The following PCDHA10 variants were observed in gnomAD, a reference collection of about 807,000 sequenced individuals.
The protein encoded by PCDHA10 is protocadherin alpha 10.
A neutral mutation model predicts 61.2 loss-of-function variants in PCDHA10; 45 were observed. The ratio of observed to expected loss-of-function variants is 0.74; its 90% confidence interval spans 0.58 to 0.94. The LOEUF (loss-of-function observed/expected upper bound fraction) is 0.94. Among genes scored for constraint, PCDHA10 ranks in the 40% least tolerant of loss-of-function variants. PCDHA10 has a pLI of 0.00. For missense variants in PCDHA10, 1,278 were observed against 1,236.2 expected (o/e 1.03, Z -0.51); for synonymous variants, 602 against 548.8 (o/e 1.10, Z -1.35).
At position 140,871,188 on chromosome 5, in the gene PCDHA10, C is replaced by G. The variant is rs782347896; in HGVS notation, c.2388+12752C>G. Reference sequence around the variant, plus strand: ...GCCCAGAGGCTGCGCTGGTGGATGTCAACGTGTACCTGATCATCGCCATCT... The same window carrying G: ...GCCCAGAGGCTGCGCTGGTGGATGTGAACGTGTACCTGATCATCGCCATCT... On this transcript the variant is annotated intron_variant, in intron 1 of 3. Transcript: ENST00000307360. 9.9e-6 allele frequency: 16 copies of G among 1,613,638 alleles called. 1 individual carries two copies. In the South Asian group the frequency reaches 1.8e-4, roughly 18 times the overall value.
intron 1 of PCDHA10, chr5:140,877,121 C>T (rs782727100): frequency 6.2e-7 from 1 of 1,613,694 alleles, no homozygotes; most frequent in Non-Finnish European, 8.5e-7. Context: ...AGCAACGTGA[C>T]GCTGCAGGTG....
Position 140,857,539 on chromosome 5 carries a change from G to T in PCDHA10, c.1491G>T (p.Arg497=), listed in dbSNP as rs782469087. Residue 497 remains arginine (R), a synonymous_variant, in exon 1 of 4, where the codon CGG becomes CGT. Transcript: ENST00000307360. ...TGTCCTACTCTCTGGTGGAGCGGCG[G>T]TTGGGCGAGCGCTCGCTGTCGAGCT... ...ALVSYSLVER[R]LGERSLSSYV... is the part of the protein sequence containing the mutation. 1 of 1,597,270 alleles carries T rather than the reference G, an allele frequency of 6.3e-7. No homozygotes were observed. The highest frequency in any genetic ancestry group is 1.3e-5 in the African/African-American group (1 of 74,412).
At chr5:140,941,570 C>T (rs892912533) in intron 1 of PCDHA10, among the ~76,000 whole-genome samples, 17 of 152,046 alleles carry the variant, frequency 1.1e-4, no homozygotes, top group African/African-American at 4.1e-4. Context: ...TCGCCTCAGC[C>T]TCCCAAAGTG....
intron 1 of PCDHA10, chr5:140,929,360 C>G (rs781864515): frequency 5.3e-6 from 8 of 1,519,748 alleles, no homozygotes; most frequent in Non-Finnish European, 6.2e-6. Flanking sequence ...TTCCTTTGGC[C>G]CGGAGATGGC....
intron 3 of PCDHA10, among the ~76,000 whole-genome samples, chr5:140,992,594 G>A (rs782416770): frequency 2.6e-5 from 4 of 152,148 alleles, no homozygotes; most frequent in Non-Finnish European, 2.9e-5. Flanking sequence ...TGCATCTAGC[G>A]TCTGTGTCTA....
chr5:140,976,933 A>G (rs1554238099), intron 1 of PCDHA10, among the ~76,000 whole-genome samples: 1 of 152,198 alleles, frequency 6.6e-6, no homozygotes, highest in African/African-American at 2.4e-5. Context: ...CTGTGTAGCT[A>G]CTTAAAACAT....
chr5:140,882,153 A>G (rs1197738298), intron 1 of PCDHA10: 9 of 1,505,320 alleles, frequency 6.0e-6, no homozygotes, highest in Admixed American at 2.3e-5. Flanking sequence ...CAGAAAGCGG[A>G]ATACCTCTTG....
At position 140,856,397 on chromosome 5, in the gene PCDHA10, C is replaced by T. The variant is rs782776522; in HGVS notation, c.349C>T (p.His117Tyr). The change falls in exon 1 of 4, where the codon CAT becomes TAT. Residue 117 changes from histidine to tyrosine, a missense_variant. Coordinates refer to ENST00000307360, the MANE Select transcript of PCDHA10 (RefSeq NM_018901.4). ...VIVDRPLQVFHVDVEVKDIND... is the reference protein window; with the variant it reads ...VIVDRPLQVFYVDVEVKDIND... ...CGTGGACAGGCCGCTGCAGGTTTTC[C>T]ATGTGGACGTGGAAGTGAAGGACAT... 3.6e-5 allele frequency: 58 copies of T among 1,598,382 alleles called. 7 individuals carry two copies. In the Admixed American group the frequency reaches 4.9e-4, roughly 13 times the overall value.
intron 1 of PCDHA10, among the ~76,000 whole-genome samples, chr5:140,873,809 C>T (rs1554166897): frequency 6.6e-6 from 1 of 152,138 alleles, no homozygotes; most frequent in Non-Finnish European, 1.5e-5. Context: ...TACAGGCATG[C>T]ACCACCACTC....
chr5:140,893,205 T>A (rs192969362), intron 1 of PCDHA10, among the ~76,000 whole-genome samples: 1 of 152,338 alleles, frequency 6.6e-6, no homozygotes, highest in East Asian at 1.9e-4. Context: ...CTGCAGTAAG[T>A]ATGGGAGGTG....
intron 2 of PCDHA10, 155 bp downstream of exon 2, chr5:140,979,162 T>C: frequency 2.1e-6 from 2 of 975,444 alleles, no homozygotes; most frequent in Non-Finnish European, 2.4e-6. Context: ...TGTTTATTCC[T>C]TGAAAGATCG....
intron 1 of PCDHA10, chr5:140,968,416 G>A: frequency 1.2e-6 from 2 of 1,613,992 alleles, no homozygotes; most frequent in Non-Finnish European, 1.7e-6. Context: ...TGACTGTGGA[G>A]GCTCAGGACA....
In PCDHA10 at chr5:140,869,463, C is replaced by A. The variant is rs1554163094; in HGVS notation, c.2388+11027C>A. On this transcript the variant is annotated intron_variant, in intron 1 of 3. Transcript: ENST00000307360. ...GGCCGCTGCAGGTTTTCCATGTGAACGTGGAGGTGAAGGACATTAACGACA... is the reference window on the plus strand; with the variant it reads ...GGCCGCTGCAGGTTTTCCATGTGAAAGTGGAGGTGAAGGACATTAACGACA... 2 of 1,614,148 alleles carry A rather than the reference C, an allele frequency of 1.2e-6. No homozygotes were observed. Among genetic ancestry groups the A allele is most frequent in the Admixed American group, 1.7e-5 (1 of 60,024 alleles).
intron 1 of PCDHA10, chr5:140,927,831 G>T: frequency 6.2e-7 from 1 of 1,614,186 alleles, no homozygotes; most frequent in Non-Finnish European, 8.5e-7. Flanking sequence ...TTGAGGCGAG[G>T]GACGAAGGTG....
chr5:140,937,911 C>CAA lies in PCDHA10; in HGVS notation c.2389-41023_2389-41022dup, dbSNP rs200797202. On this transcript the variant is annotated intron_variant, in intron 1 of 3. Transcript: ENST00000307360. Reference sequence around the variant, plus strand: ...TGGGCGACAGAGTGAGACTCCGTCTCAAAAAAAAAAAAAAAAGTTTAATTT... The same window carrying CAA: ...TGGGCGACAGAGTGAGACTCCGTCTCAAAAAAAAAAAAAAAAAAGTTTAATTT... Among the ~76,000 whole-genome samples, 8 of 117,946 alleles carry CAA rather than the reference C, an allele frequency of 6.8e-5. No individual in the cohort carries two copies. In the East Asian group the frequency reaches 1.1e-3, roughly 17 times the overall value. The allele number at this position is 117,946 out of a possible 152,430, so 77.4% of individuals were successfully genotyped here.
In PCDHA10 at chr5:141,010,181, C is replaced by G; in HGVS notation, c.*244C>G. The G allele has an allele frequency of 2.6e-6, 4 of 1,554,386 alleles. No individual in the cohort carries two copies. Among genetic ancestry groups the G allele is most frequent in the Non-Finnish European group, 3.5e-6 (4 of 1,148,120 alleles). On this transcript the variant is annotated 3_prime_UTR_variant, in exon 4 of 4. Transcript: ENST00000307360. ...TTGTTTTCAGAACCTAAAAAGCAGA[C>G]CCAAGTTTCCTTTCTCCTCCGCCGC... is the stretch of plus-strand genomic sequence containing the variant.
intron 1 of PCDHA10, chr5:140,863,620 A>G (rs2048096081): frequency 3.1e-6 from 1 of 322,758 alleles, no homozygotes; most frequent in Non-Finnish European, 6.1e-6. Context: ...CCTCATAGTG[A>G]CATTGATAAT....
In PCDHA10 at chr5:140,857,699, C is replaced by G; in HGVS notation, c.1651C>G (p.Gln551Glu). Residue 551 changes from glutamine (Q) to glutamate (E), a missense_variant, in exon 1 of 4, where the codon CAG (glutamine) becomes GAG (glutamate). By Grantham distance (29) the Gln-to-Glu change is conservative (BLOSUM62 2). Coordinates refer to ENST00000307360, the MANE Select transcript of PCDHA10 (RefSeq NM_018901.4). ...VPPLGSNLTL[Q>E]VFVLDENDNA... ...GCCTCTGGGCAGCAACTTGACGCTG[C>G]AGGTGTTCGTGCTGGACGAGAACGA... is the stretch of plus-strand genomic sequence containing the variant. 1 of 1,597,158 alleles carries G rather than the reference C, an allele frequency of 6.3e-7. No homozygotes were observed. Among genetic ancestry groups the G allele is most frequent in the South Asian group, 1.1e-5 (1 of 90,506 alleles).
chr5:140,980,824 A>G (rs2096907010), intron 2 of PCDHA10, among the ~76,000 whole-genome samples: 1 of 152,192 alleles, frequency 6.6e-6, no homozygotes, highest in Non-Finnish European at 1.5e-5. Flanking sequence ...ATATTAAATG[A>G]GTTGTGAACC....
Sources: gnomAD v4.1 joint callset for allele counts (sites outside exome capture counted in the v4.1 genomes callset) on GRCh38, gnomAD v4.1.1 for gene constraint, MANE v1.5 for transcripts, NCBI Gene and HGNC (gene_info 2026-07-23, HGNC 2026-07-21) for gene names.